Variants in FAM3A observed in about 807,000 individuals in gnomAD.
FAM3A encodes FAM3 metabolism regulating signaling molecule A.
FAM3A carries 5 observed loss-of-function variants against 18.1 expected under a neutral mutation model. The observed-to-expected ratio is 0.28, with a 90% CI of 0.14 to 0.58. The LOEUF is 0.58. Among genes scored for constraint, FAM3A ranks in the 20% least tolerant of loss-of-function variants. The pLI is 0.91. For synonymous variants in FAM3A, 108 were observed against 90.2 expected, an observed-to-expected ratio of 1.20 and a Z score of -1.12; for missense variants, 154 against 216.6, an observed-to-expected ratio of 0.71 and a Z score of 1.81.
At chrX:154,507,030 G>T in intron 8 of FAM3A, 124 bp from the exon 9 acceptor site, 1 of 885,895 alleles carries the variant, frequency 1.1e-6, no homozygotes, top group Non-Finnish European at 1.6e-6. Context: ...CAGGGCACTT[G>T]GCCCCTCCAC....
Position 154,507,494 on chromosome X carries a change from G to A in FAM3A, c.386-4C>T, listed in dbSNP as rs782629989. The stretch of plus-strand genomic sequence containing the variant: ...AACTTCAACAGGTCGTTGACATCTG[G>A]GGGGGCAGGTGCCACGGAACAGGGG... On this transcript the variant is annotated splice_region_variant and splice_polypyrimidine_tract_variant and intron_variant, in intron 6 of 8. Coordinates refer to ENST00000447601, the MANE Select transcript of FAM3A (RefSeq NM_021806.4). 6.6e-6 allele frequency: 8 copies of A among 1,208,310 alleles called. No individual in the cohort carries two copies. The Admixed American group carries it at 1.1e-4, about 16-fold the overall frequency.
intron 1 of FAM3A, among the ~76,000 whole-genome samples, chrX:154,514,923 C>A (rs966041420): frequency 4.5e-5 from 5 of 110,978 alleles, no homozygotes; most frequent in African/African-American, 1.6e-4. Flanking sequence ...TCTCGGCTCA[C>A]TGCAACCTCA....
Position 154,507,711 on chromosome X carries a change from T to C in FAM3A, c.385+100A>G, listed in dbSNP as rs1246540633. The C allele has an allele frequency of 1.3e-5, 12 of 946,414 alleles. No homozygotes were observed. The East Asian group carries it at 3.4e-4, about 27-fold the overall frequency. The allele number at this position is 946,414 out of a possible 1,213,427, so 78.0% of individuals were successfully genotyped here. On this transcript the variant is annotated intron_variant, in intron 6 of 8. Transcript: ENST00000447601. ...TCCTTTCTGAACCCACGGAGGTGAC[T>C]GAGAAGCTCCAAGTACAGACAGAGA...
rs1291901003 is a variant in FAM3A at position 154,512,924 on chromosome X, A to G, written c.26T>C (p.Ile9Thr). The G allele has an allele frequency of 1.7e-6, 2 of 1,202,744 alleles. No homozygotes were observed. Among genetic ancestry groups the G allele is most frequent in the African/African-American group, 3.5e-5 (2 of 57,119 alleles). ...ACCCACACTGACGACTAGGACCACA[A>G]TGCGGAGAGGGCCTGGAGGCAGGAT... MRLAGPLR[I>T]VVLVVSVGVT... Residue 9 changes from isoleucine to threonine, a missense_variant, in exon 2 of 9, where the codon ATT becomes ACT. By Grantham distance (89) the Ile-to-Thr change is moderately conservative. Coordinates refer to ENST00000447601, the MANE Select transcript of FAM3A (RefSeq NM_021806.4).
chrX:154,508,822 A>G (rs2069712109), intron 3 of FAM3A: 2 of 507,770 alleles, frequency 3.9e-6, no homozygotes, highest in South Asian at 2.5e-5. Context: ...CTGGTGGGAG[A>G]AAAGAAAGGA....
chrX:154,515,733 C>T, intron 1 of FAM3A, 27 bp downstream of exon 1: 1 of 1,209,967 alleles, frequency 8.3e-7, no homozygotes, highest in Middle Eastern at 2.3e-4. Flanking sequence ...TTTCAACTCC[C>T]TCCCGTTCGC....
rs1317208328 is a variant in FAM3A at position 154,512,257 on chromosome X, TAATAATAATAAG to T, written c.128-398_128-387del. ...ATAATAATAATAATAATAATAATAA[TAATAATAATAAG>T]AAGAAGAAGAAGAAGAAGAAGAAGC... is the stretch of plus-strand genomic sequence containing the variant. On this transcript the variant is annotated intron_variant, in intron 2 of 8. Transcript: ENST00000447601. 8.7e-3 allele frequency: 1,368 copies of T among 157,995 alleles called. 20 individuals are homozygous for T. The highest frequency in any genetic ancestry group is 0.019 in the African/African-American group (287 of 15,193). 13.0% of individuals were successfully genotyped at this position (157,995 alleles called of 1,213,427 possible).
rs782156149 is a variant in FAM3A, at chrX:154,507,838, C to T, written c.358G>A (p.Ala120Thr). 36 of 1,194,479 alleles carry T rather than the reference C, an allele frequency of 3.0e-5. No individual in the cohort carries two copies. The highest frequency in any genetic ancestry group is 3.7e-5 in the Non-Finnish European group (33 of 887,213). The change falls in exon 6 of 9, where the codon GCC becomes ACC. Residue 120 changes from alanine (A) to threonine (T), a missense_variant. By Grantham distance (58) the Ala-to-Thr change is moderately conservative (BLOSUM62 0). Transcript: ENST00000447601. ...VNGVSGELIE[A>T]RAFDMWAGDV... Reference sequence around the variant, plus strand: ...CCGGCCCACATGTCAAAGGCCCGGGCCTCGATGAGCTCGCCGCTGACCCCT... The same window carrying T: ...CCGGCCCACATGTCAAAGGCCCGGGTCTCGATGAGCTCGCCGCTGACCCCT...
Position 154,511,760 on chromosome X carries a change from G to T in FAM3A, c.151+88C>A, listed in dbSNP as rs1346798742. 10 of 909,738 alleles carry T rather than the reference G, an allele frequency of 1.1e-5. No individual in the cohort carries two copies. In the Admixed American group the frequency reaches 2.0e-4, roughly 18 times the overall value. 75.0% of individuals were successfully genotyped at this position (909,738 alleles called of 1,213,427 possible). ...GGACCACCACAGCTGGTTTGGGGAG[G>T]AATAAATGGAAAACCGAAGCCCTAC... On this transcript the variant is annotated intron_variant, in intron 3 of 8. Coordinates refer to ENST00000447601, the MANE Select transcript of FAM3A (RefSeq NM_021806.4).
intron 1 of FAM3A, among the ~76,000 whole-genome samples, chrX:154,513,583 C>T (rs2070014907): frequency 1.8e-5 from 2 of 110,513 alleles, no homozygotes; most frequent in African/African-American, 6.6e-5. Context: ...TTAGCTGAGA[C>T]CATGCCACTG....
chrX:154,514,047 G>T (rs781865576), intron 1 of FAM3A, among the ~76,000 whole-genome samples: 6 of 110,011 alleles, frequency 5.5e-5, no homozygotes, highest in African/African-American at 2.0e-4. Context: ...TGACCTCTCA[G>T]TGGGCTGCCC....
At chrX:154,507,643 CG>C in intron 6 of FAM3A, 153 bp from the exon 7 acceptor site, 1 of 798,432 alleles carries the variant, frequency 1.3e-6, no homozygotes, top group South Asian at 2.3e-5. Context: ...GAGGCATCCC[CG>C]TGACCTCCCA....
In FAM3A at chrX:154,507,526, G is replaced by A. The variant is rs781850667; in HGVS notation, c.386-36C>T. 14 of 1,157,729 alleles carry A rather than the reference G, an allele frequency of 1.2e-5. No homozygotes were observed. The Admixed American group carries it at 2.2e-4, about 18-fold the overall frequency. On this transcript the variant is annotated intron_variant, in intron 6 of 8. Coordinates refer to ENST00000447601, the MANE Select transcript of FAM3A (RefSeq NM_021806.4). ...AGGTGCCACGGAACAGGGGTCATCA[G>A]GCACCACTGAGCACCCTCCCACAAG... is the stretch of plus-strand genomic sequence containing the variant.
chrX:154,515,174 T>C (rs2070133606), intron 1 of FAM3A, among the ~76,000 whole-genome samples: 1 of 112,273 alleles, frequency 8.9e-6, no homozygotes, highest in East Asian at 2.8e-4. Flanking sequence ...TTAAGCACCA[T>C]GTGTCAATGA....
rs367717901 is a variant in FAM3A, at chrX:154,506,798, G to T, written c.*13C>A. 5 of 1,200,618 alleles carry T rather than the reference G, an allele frequency of 4.2e-6. No homozygotes were observed. The African/African-American group carries it at 8.7e-5, about 21-fold the overall frequency. ...GTCTGGCCTCCCTCGGCCCGGTCCT[G>T]GCACTGGCCGTGCTAGCTGGCCGTG... On this transcript the variant is annotated 3_prime_UTR_variant, in exon 9 of 9. Transcript: ENST00000447601.
chrX:154,511,886 T>C lies in FAM3A; in HGVS notation c.128-15A>G. ...GCTCTCTGGACCTGTGGATACAGAG[T>C]GGTTTCTGTTAGTGTGGAGCCTCCC... On this transcript the variant is annotated splice_polypyrimidine_tract_variant and intron_variant, in intron 2 of 8. Coordinates refer to ENST00000447601, the MANE Select transcript of FAM3A (RefSeq NM_021806.4). The C allele has an allele frequency of 2.5e-6, 3 of 1,205,108 alleles. No individual in the cohort carries two copies. Among genetic ancestry groups the C allele is most frequent in the Non-Finnish European group, 3.4e-6 (3 of 891,201 alleles).
At chrX:154,512,731 C>G in intron 2 of FAM3A, 92 bp downstream of exon 2, 1 of 614,618 alleles carries the variant, frequency 1.6e-6, no homozygotes, top group Admixed American at 2.9e-5. Context: ...ATAGAAAACC[C>G]AAGTCAACTC....
At chrX:154,507,527 G>A (rs2069616377) in intron 6 of FAM3A, 37 bp from the exon 7 acceptor site, 5 of 1,123,164 alleles carry the variant, frequency 4.5e-6, no homozygotes, top group Admixed American at 2.3e-5. Flanking sequence ...GGGTCATCAG[G>A]CACCACTGAG....
intron 2 of FAM3A, 91 bp from the exon 3 acceptor site, chrX:154,511,962 A>G: frequency 1.2e-6 from 1 of 859,417 alleles, no homozygotes; most frequent in South Asian, 2.2e-5. Context: ...AAGTGTAGAC[A>G]CAGGCAGTCA....
Sources: allele counts gnomAD v4.1 joint callset (sites outside exome capture counted in the v4.1 genomes callset), GRCh38; gene constraint gnomAD v4.1.1; transcripts MANE v1.5; gene names NCBI Gene and HGNC (gene_info 2026-07-23, HGNC 2026-07-21).